The following GABRB1 variants were observed in gnomAD, a reference collection of about 807,000 sequenced individuals.
The protein encoded by GABRB1 is gamma-aminobutyric acid receptor subunit beta-1.
Under a neutral mutation model 51.6 loss-of-function variants are expected in GABRB1, and 17 were observed. That is an observed-to-expected ratio of 0.33 (90% confidence interval 0.23 to 0.49). The LOEUF (loss-of-function observed/expected upper bound fraction) is 0.49. Ranked by LOEUF, GABRB1 falls within the 20% of genes least tolerant of loss-of-function variation. The pLI is 0.99. For synonymous variants in GABRB1, 247 were observed against 218.9 expected (o/e 1.13, Z -1.14); for missense variants, 410 against 600.6 (o/e 0.68, Z 3.32).
At chr4:47,324,957 C>T (rs181413362) in intron 5 of GABRB1, among the ~76,000 whole-genome samples, 3 of 152,216 alleles carry the variant, frequency 2.0e-5, no homozygotes, top group South Asian at 2.1e-4. Context: ...TTATCAGGCC[C>T]GTCCATTTCT....
chr4:47,086,918 A>G (rs1224802081), intron 3 of GABRB1, among the ~76,000 whole-genome samples: 1 of 152,314 alleles, frequency 6.6e-6, no homozygotes, highest in Admixed American at 6.5e-5. Context: ...TCTGCTGCAA[A>G]GTGTCACAAT....
At chr4:47,300,110 G>A (rs1382199495) in intron 4 of GABRB1, among the ~76,000 whole-genome samples, 2 of 118,162 alleles carry the variant, frequency 1.7e-5, no homozygotes, top group South Asian at 3.4e-4. Flanking sequence ...GGAGGGGGGA[G>A]GGATAGCATT....
chr4:47,047,263 C>A (rs544581045), intron 3 of GABRB1, among the ~76,000 whole-genome samples: 206 of 152,240 alleles, frequency 1.4e-3, no homozygotes, highest in African/African-American at 4.7e-3. Context: ...CATGACTCTT[C>A]AGGCTGGAAA....
intron 4 of GABRB1, among the ~76,000 whole-genome samples, chr4:47,257,176 C>T (rs1009773209): frequency 3.3e-5 from 5 of 152,124 alleles, no homozygotes; most frequent in Admixed American, 3.3e-4. Context: ...TGTTGTCTTA[C>T]ACTGTTTATG....
chr4:47,392,734 C>T (rs1284925250), intron 5 of GABRB1, among the ~76,000 whole-genome samples: 3 of 152,176 alleles, frequency 2.0e-5, no homozygotes, highest in African/African-American at 7.2e-5. Context: ...CCCAGCAGTA[C>T]AGAGTAGAGC....
intron 4 of GABRB1, among the ~76,000 whole-genome samples, chr4:47,165,905 C>A (rs190626526): frequency 6.6e-6 from 1 of 152,118 alleles, no homozygotes; most frequent in Admixed American, 6.6e-5. Flanking sequence ...TTGAAGGCAA[C>A]TGTAATTCCA....
At chr4:47,159,604 G>T (rs1717850649) in intron 3 of GABRB1, among the ~76,000 whole-genome samples, 1 of 151,870 alleles carries the variant, frequency 6.6e-6, no homozygotes, top group African/African-American at 2.4e-5. Flanking sequence ...ATATCCTTTT[G>T]CTATTAAACA....
At chr4:47,286,987 G>T (rs1003525802) in intron 4 of GABRB1, among the ~76,000 whole-genome samples, 1 of 151,860 alleles carries the variant, frequency 6.6e-6, no homozygotes, top group Non-Finnish European at 1.5e-5. Context: ...ATGGCTGGGG[G>T]ATTTGTTGCC....
chr4:47,155,231 CTCTAAT>C lies in GABRB1; in HGVS notation c.241-6017_241-6012del, dbSNP rs1399814421. On this transcript the variant is annotated intron_variant, in intron 3 of 8. Coordinates refer to ENST00000295454, the MANE Select transcript of GABRB1 (RefSeq NM_000812.4). ...TCATAGGCAGTGATGCACAGCTCTACTCTAATAGGCTTTCCGGGGAAGCAGCCCAAG... is the reference window on the plus strand; with the variant it reads ...TCATAGGCAGTGATGCACAGCTCTACAGGCTTTCCGGGGAAGCAGCCCAAG... 7.2e-5 allele frequency among the ~76,000 whole-genome samples: 11 copies of C among 152,182 alleles called. No homozygotes were observed. The East Asian group carries it at 1.4e-3, about 19-fold the overall frequency.
chr4:47,228,550 T>C (rs1275624218), intron 4 of GABRB1, among the ~76,000 whole-genome samples: 3 of 152,122 alleles, frequency 2.0e-5, no homozygotes, highest in Admixed American at 1.3e-4. Context: ...ACTTAACATA[T>C]GGTTGATATG....
chr4:47,168,726 C>T (rs1718314658), intron 4 of GABRB1, among the ~76,000 whole-genome samples: 2 of 152,150 alleles, frequency 1.3e-5, no homozygotes, highest in Non-Finnish European at 2.9e-5. Context: ...AATTGTATTA[C>T]TTCGCTGGGG....
At chr4:47,179,632 C>T (rs1464297431) in intron 4 of GABRB1, among the ~76,000 whole-genome samples, 1 of 152,078 alleles carries the variant, frequency 6.6e-6, no homozygotes, top group Non-Finnish European at 1.5e-5. Context: ...AGCAAAATAA[C>T]TTTCCTATAT....
chr4:47,219,722 C>T (rs997989203), intron 4 of GABRB1, among the ~76,000 whole-genome samples: 1 of 151,800 alleles, frequency 6.6e-6, no homozygotes, highest in African/African-American at 2.4e-5. Context: ...AAACACACAC[C>T]AACATATGTG....
intron 5 of GABRB1, among the ~76,000 whole-genome samples, chr4:47,341,789 G>A (rs1458637597): frequency 1.3e-5 from 2 of 152,084 alleles, no homozygotes; most frequent in South Asian, 4.1e-4. Context: ...TTTGGACAGA[G>A]CCCTTCCTTT....
At chr4:47,103,611 C>T (rs978647832) in intron 3 of GABRB1, among the ~76,000 whole-genome samples, 2 of 151,702 alleles carry the variant, frequency 1.3e-5, no homozygotes, top group African/African-American at 4.8e-5. Context: ...TTAGTTCCAG[C>T]GAAATTCAAA....
chr4:47,028,184 A>T (rs552367065), upstream of GABRB1, among the ~76,000 whole-genome samples: 160 of 151,756 alleles, frequency 1.1e-3, 2 homozygotes, highest in African/African-American at 3.4e-3. Flanking sequence ...TCTATTTTTT[A>T]AAAAGTTTTG....
At chr4:47,293,697 C>T (rs866236986) in intron 4 of GABRB1, among the ~76,000 whole-genome samples, 4 of 152,120 alleles carry the variant, frequency 2.6e-5, no homozygotes, top group Admixed American at 6.5e-5. Context: ...ATTTTAAGAA[C>T]TATGGCTTTA....
intron 4 of GABRB1, among the ~76,000 whole-genome samples, chr4:47,204,488 CT>C (rs1577999199): frequency 6.6e-6 from 1 of 152,080 alleles, no homozygotes; most frequent in South Asian, 2.1e-4. Flanking sequence ...TCTGCTCCCC[CT>C]AACCCTAACA....
intron 4 of GABRB1, among the ~76,000 whole-genome samples, chr4:47,285,291 G>C (rs909208044): frequency 2.0e-5 from 3 of 152,144 alleles, no homozygotes; most frequent in Non-Finnish European, 2.9e-5. Context: ...TTTTCCTCTA[G>C]ATCATGCTCT....
Sources: gnomAD v4.1 joint callset for allele counts (sites outside exome capture counted in the v4.1 genomes callset) on GRCh38, gnomAD v4.1.1 for gene constraint, MANE v1.5 for transcripts, NCBI Gene and HGNC (gene_info 2026-07-23, HGNC 2026-07-21) for gene names.